RELN: variants seen among roughly 807,000 people sequenced by gnomAD.
RELN encodes the protein reelin.
RELN carries 108 observed loss-of-function variants against 427.6 expected under a neutral mutation model. The ratio of observed to expected loss-of-function variants is 0.25; its 90% CI spans 0.22 to 0.30. The LOEUF (loss-of-function observed/expected upper bound fraction) is 0.30, where lower values mean the gene tolerates loss of function less well. Among genes scored for constraint, RELN ranks in the 10% least tolerant of loss-of-function variants. RELN has a pLI of 1.00. For missense variants in RELN, 3,715 were observed against 4,302.8 expected, an observed-to-expected ratio of 0.86 and a Z score of 3.82; for synonymous variants, 1,524 against 1,513.4, an observed-to-expected ratio of 1.01 and a Z score of -0.16.
intron 4 of RELN, among the ~76,000 whole-genome samples, chr7:103,775,734 T>C (rs1297761253): frequency 6.6e-6 from 1 of 152,188 alleles, no homozygotes; most frequent in Admixed American, 6.5e-5. Flanking sequence ...TCAAGGAATA[T>C]ATGTACAGCT....
intron 10 of RELN, among the ~76,000 whole-genome samples, chr7:103,686,178 C>G (rs1263315514): frequency 6.6e-6 from 1 of 152,098 alleles, no homozygotes; most frequent in Non-Finnish European, 1.5e-5. Flanking sequence ...TGCCAGCTTG[C>G]AGAGAGCTGG....
intron 3 of RELN, among the ~76,000 whole-genome samples, chr7:103,808,520 A>G (rs1486277487): frequency 6.6e-6 from 1 of 152,070 alleles, no homozygotes; most frequent in Non-Finnish European, 1.5e-5. Context: ...GAAAATCTGT[A>G]TTATGAAAGA....
chr7:103,506,419 G>GA (rs1829213786), intron 51 of RELN, among the ~76,000 whole-genome samples: 1 of 152,188 alleles, frequency 6.6e-6, no homozygotes, highest in Admixed American at 6.5e-5. Flanking sequence ...CATTCTTAAA[G>GA]AAAAGAGTTT....
At chr7:103,769,645 T>A (rs554534827) in intron 4 of RELN, among the ~76,000 whole-genome samples, 1 of 152,248 alleles carries the variant, frequency 6.6e-6, no homozygotes, top group Admixed American at 6.5e-5. Flanking sequence ...CTCTCCTCAG[T>A]CTCATTTAAG....
chr7:103,749,172 G>C (rs1413653076), intron 6 of RELN, among the ~76,000 whole-genome samples: 5 of 151,414 alleles, frequency 3.3e-5, no homozygotes, highest in Non-Finnish European at 7.4e-5. Flanking sequence ...TCTATGTAAG[G>C]ATATTGCAAA....
At chr7:103,880,528 G>T (rs946066286) in intron 2 of RELN, among the ~76,000 whole-genome samples, 10 of 151,992 alleles carry the variant, frequency 6.6e-5, no homozygotes, top group Admixed American at 6.6e-4. Context: ...CATCATTATC[G>T]CTGTGTATAG....
chr7:103,792,521 T>G (rs1792190154), intron 3 of RELN, among the ~76,000 whole-genome samples: 1 of 109,930 alleles, frequency 9.1e-6, no homozygotes, highest in Admixed American at 1.2e-4. Flanking sequence ...AATAGGCAAT[T>G]CTATAGCGAC....
chr7:103,759,402 G>T (rs1203517324), intron 4 of RELN, among the ~76,000 whole-genome samples: 12 of 152,042 alleles, frequency 7.9e-5, no homozygotes, highest in African/African-American at 2.2e-4. Context: ...AGTTTCAAAG[G>T]AATAACATGC....
At chr7:103,764,336 C>G (rs1791375810) in intron 4 of RELN, among the ~76,000 whole-genome samples, 1 of 152,114 alleles carries the variant, frequency 6.6e-6, no homozygotes, top group African/African-American at 2.4e-5. Flanking sequence ...ATCCCTTTCC[C>G]TATTTTACAG....
At chr7:103,715,121 A>C (rs568164468) in intron 8 of RELN, among the ~76,000 whole-genome samples, 1 of 152,274 alleles carries the variant, frequency 6.6e-6, no homozygotes, top group African/African-American at 2.4e-5. Context: ...CCATGGGGGA[A>C]TTTAGCGTTT....
At chr7:103,864,714 T>C (rs1426573774) in intron 2 of RELN, among the ~76,000 whole-genome samples, 1 of 151,658 alleles carries the variant, frequency 6.6e-6, no homozygotes, top group Non-Finnish European at 1.5e-5. Flanking sequence ...AAAATAAGGA[T>C]TGGAGCAGAA....
chr7:103,860,319 T>A (rs1471138735), intron 2 of RELN, among the ~76,000 whole-genome samples: 1 of 152,180 alleles, frequency 6.6e-6, no homozygotes, highest in African/African-American at 2.4e-5. Context: ...GTTTTTGTTT[T>A]AATTATAATA....
chr7:103,582,615 C>A (rs908265443), intron 28 of RELN, among the ~76,000 whole-genome samples: 2 of 152,126 alleles, frequency 1.3e-5, no homozygotes, highest in Non-Finnish European at 2.9e-5. Flanking sequence ...AGGAAGTTTG[C>A]CTACCAAAGG....
At chr7:103,483,552 G>A in intron 62 of RELN, 101 bp downstream of exon 62, 2 of 1,177,642 alleles carry the variant, frequency 1.7e-6, no homozygotes, top group South Asian at 2.4e-5. Flanking sequence ...TGTGGCATTG[G>A]TGCATTAACT....
chr7:103,647,263 C>T (rs1054325252), intron 16 of RELN, among the ~76,000 whole-genome samples: 3 of 151,806 alleles, frequency 2.0e-5, no homozygotes, highest in African/African-American at 7.3e-5. Flanking sequence ...AATATAAAGT[C>T]AAATTATCTC....
Position 103,989,192 on chromosome 7 carries a change from C to T in RELN, c.165G>A (p.Val55=). ...ELEGDGEQGE[V]LISLHIAGNP... is the part of the protein sequence containing the mutation. Reference sequence around the variant, plus strand: ...TGCCCGCAATATGCAGGGAAATGAGCACCTCGCCCTGCTCCCCATCCCCTT... The same window carrying T: ...TGCCCGCAATATGCAGGGAAATGAGTACCTCGCCCTGCTCCCCATCCCCTT... Residue 55 remains valine, a synonymous_variant, in exon 1 of 65, where the codon GTG becomes GTA. Coordinates refer to ENST00000428762, the MANE Select transcript of RELN (RefSeq NM_005045.4). The surrounding 1 kb of genome is among the most constrained non-coding windows in gnomAD (Gnocchi z 4.9). 5 of 1,614,138 alleles carry T rather than the reference C, an allele frequency of 3.1e-6. No individual in the cohort carries two copies. The highest frequency in any genetic ancestry group is 4.2e-6 in the Non-Finnish European group (5 of 1,180,006).
At chr7:103,864,534 A>T (rs1045922477) in intron 2 of RELN, among the ~76,000 whole-genome samples, 6 of 152,160 alleles carry the variant, frequency 3.9e-5, no homozygotes, top group Non-Finnish European at 5.9e-5. Flanking sequence ...ACAGAAGTGG[A>T]TTCATGCAGT....
At chr7:103,544,983 C>G (rs1240309124) in intron 42 of RELN, 141 bp downstream of exon 42, 7 of 731,610 alleles carry the variant, frequency 9.6e-6, no homozygotes, top group East Asian at 8.1e-5. Context: ...AAATTCAGAA[C>G]TAAATGAATT....
At chr7:103,758,114 G>A (rs1051332774) in intron 4 of RELN, among the ~76,000 whole-genome samples, 23 of 152,080 alleles carry the variant, frequency 1.5e-4, no homozygotes, top group African/African-American at 4.8e-4. Context: ...TTTGTGTTTC[G>A]ATGAACTTTA....
Sources: gnomAD v4.1 joint callset for allele counts (sites outside exome capture counted in the v4.1 genomes callset) on GRCh38, gnomAD v4.1.1 for gene constraint, Gnocchi (gnomAD v3.1) non-coding constraint, MANE v1.5 for transcripts, NCBI Gene and HGNC (gene_info 2026-07-23, HGNC 2026-07-21) for gene names.